The following ESYT2 variants were observed in gnomAD, a reference collection of about 807,000 sequenced individuals.
ESYT2 encodes the protein extended synaptotagmin-2.
In ESYT2, 54 loss-of-function variants were observed where a neutral mutation model predicts 107.2. That is an observed-to-expected ratio of 0.50 (90% CI 0.40 to 0.63). The LOEUF (loss-of-function observed/expected upper bound fraction) is 0.63. Ranked by LOEUF, ESYT2 falls within the 30% of genes least tolerant of loss-of-function variation. The pLI is 0.00. For synonymous variants in ESYT2, 491 were observed against 434.1 expected, an observed-to-expected ratio of 1.13 and a Z score of -1.63; for missense variants, 1,020 against 1,094.5, an observed-to-expected ratio of 0.93 and a Z score of 0.96.
chr7:158,820,139 T>C (rs1432259807), intron 1 of ESYT2, among the ~76,000 whole-genome samples: 1 of 152,220 alleles, frequency 6.6e-6, no homozygotes, highest in Non-Finnish European at 1.5e-5. Flanking sequence ...TGGTTTGGTA[T>C]TATGGATGAT....
intron 6 of ESYT2, among the ~76,000 whole-genome samples, chr7:158,787,120 G>A (rs934059908): frequency 2.6e-5 from 4 of 152,268 alleles, no homozygotes; most frequent in South Asian, 4.1e-4. Flanking sequence ...GCTGGACAGA[G>A]GCTGCAGGAG....
At chr7:158,742,074 C>CT (rs1157131639) in intron 17 of ESYT2, among the ~76,000 whole-genome samples, 178 bp from the exon 18 acceptor site, 1 of 152,144 alleles carries the variant, frequency 6.6e-6, no homozygotes, top group African/African-American at 2.4e-5. Context: ...ACAAATACCA[C>CT]TTTTTTCCCA....
Position 158,752,778 on chromosome 7 carries a change from T to C in ESYT2, c.1482+3A>G. Reference sequence around the variant, plus strand: ...TCTGTGACCTGAAGGGAAAACAGTTTACCTTTAAAGCTCTCTGAACTGCAG... The same window carrying C: ...TCTGTGACCTGAAGGGAAAACAGTTCACCTTTAAAGCTCTCTGAACTGCAG... On this transcript the variant is annotated splice_donor_region_variant and intron_variant, in intron 14 of 22. Transcript: ENST00000275418. The C allele has an allele frequency of 2.3e-6, 3 of 1,302,672 alleles. No individual in the cohort carries two copies. Among genetic ancestry groups the C allele is most frequent in the Non-Finnish European group, 3.0e-6 (3 of 988,166 alleles). The allele number at this position is 1,302,672 out of a possible 1,614,324, so 80.7% of individuals were successfully genotyped here.
rs1014418225 is a variant in ESYT2 at position 158,767,775 on chromosome 7, C to T, written c.804-1G>A. 1 of 1,608,782 alleles carries T rather than the reference C, an allele frequency of 6.2e-7. No homozygotes were observed. Among genetic ancestry groups the T allele is most frequent in the Non-Finnish European group, 8.5e-7 (1 of 1,177,072 alleles). On this transcript the variant is annotated splice_acceptor_variant, in intron 7 of 22. Transcript: ENST00000275418. LOFTEE classifies it high-confidence loss of function. ...CAAAATGATAGTATCTGATAAACCA[C>T]TGTTAGTTGGGAGACAAAAAGAGCA...
rs1179748515 is a variant in ESYT2 at position 158,782,262 on chromosome 7, TGA to T, written c.747+5740_747+5741del. On this transcript the variant is annotated intron_variant, in intron 6 of 22. Transcript: ENST00000275418. The stretch of plus-strand genomic sequence containing the variant: ...ACGAGTGAGAATGAGTGAACAAGTA[TGA>T]GTGTGAGAACAAAATGTGAGAAATG... Among the ~76,000 whole-genome samples, 162 of 146,354 alleles carry T rather than the reference TGA, an allele frequency of 1.1e-3. 4 individuals carry two copies. The highest frequency in any genetic ancestry group is 3.4e-3 in the African/African-American group (135 of 39,350).
chr7:158,829,294 C>CGCGCCAGCT lies in ESYT2; in HGVS notation c.116_124dup (p.Gln39_Ala41dup), dbSNP rs1022051289. On this transcript the variant is annotated inframe_insertion, in exon 1 of 23. Coordinates refer to ENST00000275418, the MANE Select transcript of ESYT2 (RefSeq NM_001367773.1). ...CACGGGCAGCAGCAGCGCGAAGCTC[C>CGCGCCAGCT]GCGCCAGCTGCGCCAGCAGCCCGGG... is the stretch of plus-strand genomic sequence containing the variant. 20 of 1,509,474 alleles carry CGCGCCAGCT rather than the reference C, an allele frequency of 1.3e-5. No individual in the cohort carries two copies. Among genetic ancestry groups the CGCGCCAGCT allele is most frequent in the Non-Finnish European group, 1.7e-5 (19 of 1,137,734 alleles). The allele number at this position is 1,509,474 out of a possible 1,614,324, so 93.5% of individuals were successfully genotyped here.
intron 6 of ESYT2, among the ~76,000 whole-genome samples, chr7:158,780,123 A>G (rs540136175): frequency 1.3e-5 from 2 of 152,368 alleles, no homozygotes; most frequent in East Asian, 3.9e-4. Flanking sequence ...ATAAATGTCA[A>G]TACTAGAAGC....
chr7:158,785,467 A>C (rs374422011), intron 6 of ESYT2, among the ~76,000 whole-genome samples: 3,645 of 137,056 alleles, frequency 0.027, 142 homozygotes, highest in African/African-American at 0.094. Context: ...ATAAATAAAT[A>C]AATAAATCAC....
intron 3 of ESYT2, among the ~76,000 whole-genome samples, chr7:158,794,083 C>T (rs1448225694): frequency 6.6e-6 from 1 of 152,282 alleles, no homozygotes; most frequent in East Asian, 1.9e-4. Flanking sequence ...TTTCAAGCTT[C>T]TTACTCTCGT....
intron 1 of ESYT2, among the ~76,000 whole-genome samples, chr7:158,824,850 T>G (rs555876787): frequency 1.3e-5 from 2 of 152,308 alleles, no homozygotes; most frequent in Admixed American, 1.3e-4. Context: ...ATAAAAACTC[T>G]TCAAGAATCT....
intron 6 of ESYT2, among the ~76,000 whole-genome samples, chr7:158,778,339 C>G (rs1473366217): frequency 1.3e-5 from 2 of 151,772 alleles, no homozygotes; most frequent in Non-Finnish European, 2.9e-5. Context: ...GAGACAAGGA[C>G]TGACTTTAGA....
intron 19 of ESYT2, among the ~76,000 whole-genome samples, chr7:158,738,352 C>T (rs112391681): frequency 5.2e-4 from 57 of 109,382 alleles, no homozygotes; most frequent in African/African-American, 2.0e-3. Flanking sequence ...CAGACACACA[C>T]ACACACACAC....
intron 13 of ESYT2, 69 bp from the exon 14 acceptor site, chr7:158,752,912 A>C: frequency 9.7e-7 from 1 of 1,033,702 alleles, no homozygotes; most frequent in Non-Finnish European, 1.3e-6. Flanking sequence ...ATGTAAGGTT[A>C]AAGACATGAA....
At chr7:158,824,699 G>T (rs528836508) in intron 1 of ESYT2, among the ~76,000 whole-genome samples, 9 of 152,282 alleles carry the variant, frequency 5.9e-5, no homozygotes, top group Non-Finnish European at 1.3e-4. Flanking sequence ...TATTATCCGT[G>T]ACAGTATTAT....
intron 1 of ESYT2, among the ~76,000 whole-genome samples, chr7:158,817,116 GCTC>G (rs1487153094): frequency 6.6e-6 from 1 of 152,148 alleles, no homozygotes; most frequent in Non-Finnish European, 1.5e-5. Context: ...TATCTGAACA[GCTC>G]CTCCTCTCTG....
In ESYT2 at chr7:158,767,670, C is replaced by T. The variant is rs767514684; in HGVS notation, c.908G>A (p.Arg303Gln). 1.1e-5 allele frequency: 17 copies of T among 1,611,180 alleles called. No homozygotes were observed. Among genetic ancestry groups the T allele is most frequent in the African/African-American group, 2.7e-5 (2 of 74,784 alleles). Residue 303 changes from arginine to glutamine, a missense_variant, in exon 8 of 23, where the codon CGG becomes CAG. Transcript: ENST00000275418. Reference sequence around the variant, plus strand: ...CACGCTTACCTTTGGTACAGGAAACCGCAACTGAGCTATTTGAACTTCACT... The same window carrying T: ...CACGCTTACCTTTGGTACAGGAAACTGCAACTGAGCTATTTGAACTTCACT... ...LVSEVQIAQLRFPVPKGVLRI... is the reference protein window; with the variant it reads ...LVSEVQIAQLQFPVPKGVLRI...
At chr7:158,813,339 A>G (rs141089666) in intron 1 of ESYT2, among the ~76,000 whole-genome samples, 1 of 152,236 alleles carries the variant, frequency 6.6e-6, no homozygotes, top group Non-Finnish European at 1.5e-5. Context: ...TAGCTGATAC[A>G]TGCCATTATC....
intron 8 of ESYT2, 132 bp from the exon 9 acceptor site, chr7:158,764,985 A>G (rs112479736): frequency 1.2e-6 from 1 of 825,520 alleles, no homozygotes. Flanking sequence ...TCTGGTGCCG[A>G]GTACATCCCA....
At chr7:158,749,607 G>A (rs143720856) in intron 15 of ESYT2, 42 bp downstream of exon 15, 37 of 1,598,608 alleles carry the variant, frequency 2.3e-5, no homozygotes, top group East Asian at 1.8e-4. Context: ...GACAGCGCCC[G>A]CACGACAGGC....
Sources: allele counts gnomAD v4.1 joint callset (sites outside exome capture counted in the v4.1 genomes callset), GRCh38; gene constraint gnomAD v4.1.1; transcripts MANE v1.5; gene names NCBI Gene and HGNC (gene_info 2026-07-23, HGNC 2026-07-21).